Variants in AXL observed in about 807,000 individuals in gnomAD.
AXL encodes AXL receptor tyrosine kinase.
AXL carries 52 observed loss-of-function variants against 104.5 expected under a neutral mutation model. The observed-to-expected ratio is 0.50, with a 90% CI of 0.40 to 0.63. AXL has a LOEUF of 0.63. Ranked by LOEUF, AXL falls within the 20% of genes least tolerant of loss-of-function variation. The pLI is 0.00. For missense variants in AXL, 1,024 were observed against 1,188.5 expected (o/e 0.86, Z 2.04); for synonymous variants, 455 against 473.7 (o/e 0.96, Z 0.51).
chr19:41,253,509 C>A, intron 16 of AXL, 90 bp from the exon 17 acceptor site: 2 of 966,720 alleles, frequency 2.1e-6, no homozygotes, highest in Non-Finnish European at 3.2e-6. Flanking sequence ...CCACTGCGGG[C>A]AGAGCTAGGC....
chr19:41,236,379 G>A (rs976086753), intron 6 of AXL, among the ~76,000 whole-genome samples: 2 of 150,624 alleles, frequency 1.3e-5, no homozygotes, highest in Admixed American at 6.6e-5. Flanking sequence ...GCTCACGCCT[G>A]TAATCCCATC....
intron 3 of AXL, 184 bp from the exon 4 acceptor site, chr19:41,221,696 G>C: frequency 1.6e-6 from 1 of 607,360 alleles, no homozygotes; most frequent in Non-Finnish European, 2.8e-6. Flanking sequence ...TGACATGGGA[G>C]GAATCAGATA....
intron 4 of AXL, among the ~76,000 whole-genome samples, chr19:41,230,596 T>G (rs892396762): frequency 2.1e-5 from 3 of 140,520 alleles, no homozygotes; most frequent in Admixed American, 7.1e-5. Flanking sequence ...GTGTGTGTCT[T>G]TGTGTGTTTC....
At chr19:41,243,077 G>A in intron 11 of AXL, 62 bp downstream of exon 11, 2 of 1,609,002 alleles carry the variant, frequency 1.2e-6, no homozygotes, top group South Asian at 2.2e-5. Context: ...AGGCAGGGAG[G>A]CCAGTGAGGA....
At chr19:41,249,907 G>A (rs552228033) in intron 14 of AXL, among the ~76,000 whole-genome samples, 27 of 152,190 alleles carry the variant, frequency 1.8e-4, no homozygotes, top group African/African-American at 6.5e-4. Flanking sequence ...ACCTCCCATT[G>A]GCAAATCCCA....
chr19:41,258,489 C>T (rs974888691), intron 19 of AXL, among the ~76,000 whole-genome samples: 9 of 152,314 alleles, frequency 5.9e-5, no homozygotes, highest in South Asian at 4.1e-4. Flanking sequence ...GGCTCCATCT[C>T]GGCTCACTGC....
intron 4 of AXL, among the ~76,000 whole-genome samples, chr19:41,225,011 G>A (rs994269362): frequency 1.3e-5 from 2 of 152,074 alleles, no homozygotes; most frequent in African/African-American, 4.8e-5. Context: ...GTTTTTTGGG[G>A]TTTTTGTTTT....
chr19:41,259,408 A>G (rs2034500527), intron 19 of AXL, 145 bp from the exon 20 acceptor site: 3 of 676,190 alleles, frequency 4.4e-6, no homozygotes, highest in Middle Eastern at 2.8e-4. Flanking sequence ...CCAAATCCCC[A>G]TAGATGGCCT....
chr19:41,222,790 C>T (rs2033815274), intron 4 of AXL, among the ~76,000 whole-genome samples: 1 of 151,882 alleles, frequency 6.6e-6, no homozygotes, highest in Admixed American at 6.6e-5. Context: ...CCTGTAGTCC[C>T]AGCTACTCGG....
In AXL at chr19:41,242,911, G is replaced by C; in HGVS notation, c.1341G>C (p.Ser447=). ...LVKEPSTPAF[S]WPWWYVLLGA... is the part of the protein sequence containing the mutation. The stretch of plus-strand genomic sequence containing the variant: ...AGGAACCTTCAACTCCTGCCTTCTC[G>C]TGGCCCTGGTGGTATGTACTGCTAG... The change falls in exon 11 of 20, where the codon TCG becomes TCC. Residue 447 remains serine, a synonymous_variant. Coordinates refer to ENST00000301178, the MANE Select transcript of AXL (RefSeq NM_021913.5). The C allele has an allele frequency of 2.5e-6, 4 of 1,614,142 alleles. No homozygotes were observed. The highest frequency in any genetic ancestry group is 3.4e-6 in the Non-Finnish European group (4 of 1,180,016).
At chr19:41,235,261 G>C (rs997862193) in intron 6 of AXL, among the ~76,000 whole-genome samples, 2 of 152,084 alleles carry the variant, frequency 1.3e-5, no homozygotes, top group Non-Finnish European at 2.9e-5. Flanking sequence ...TGAGGCAAGA[G>C]AATCACTTGA....
At chr19:41,253,738 C>G (rs753445084) in intron 17 of AXL, 30 bp downstream of exon 17, 12 of 1,430,750 alleles carry the variant, frequency 8.4e-6, no homozygotes, top group Non-Finnish European at 1.1e-5. Flanking sequence ...CCCCCCCCCC[C>G]AACTGCTCCT....
At position 41,260,164 on chromosome 19, in the gene AXL, G is replaced by C; in HGVS notation, c.*260G>C. ...GCCCTCCCAGGTGTTAACATTCCAAGACTCTAGAGTCCAAGGTTTAAAGAG... is the reference window on the plus strand; with the variant it reads ...GCCCTCCCAGGTGTTAACATTCCAACACTCTAGAGTCCAAGGTTTAAAGAG... On this transcript the variant is annotated 3_prime_UTR_variant, in exon 20 of 20. Transcript: ENST00000301178. The C allele has an allele frequency of 2.2e-6, 1 of 449,074 alleles. No homozygotes were observed. The highest frequency in any genetic ancestry group is 5.0e-5 in the South Asian group (1 of 19,838). The allele number at this position is 449,074 out of a possible 1,614,324, so 27.8% of individuals were successfully genotyped here. A position where few individuals can be genotyped will look rare whatever the true frequency, so the allele number is the denominator to read the frequency against.
chr19:41,228,068 G>A (rs2033913968), intron 4 of AXL, among the ~76,000 whole-genome samples: 1 of 152,126 alleles, frequency 6.6e-6, no homozygotes, highest in Non-Finnish European at 1.5e-5. Flanking sequence ...ACCTCAAAAA[G>A]TGAAACCTCG....
intron 4 of AXL, among the ~76,000 whole-genome samples, chr19:41,222,487 T>C (rs1432323866): frequency 6.6e-6 from 1 of 152,044 alleles, no homozygotes; most frequent in Non-Finnish European, 1.5e-5. Flanking sequence ...CCTCCTCTCC[T>C]CCGCCTCCCT....
chr19:41,233,084 G>C (rs1287317032), intron 6 of AXL, among the ~76,000 whole-genome samples: 1 of 151,806 alleles, frequency 6.6e-6, no homozygotes, highest in Non-Finnish European at 1.5e-5. Flanking sequence ...CCGCCTCCTA[G>C]GTTCAAGCAA....
rs2122279797 is a variant in AXL at position 41,253,629 on chromosome 19, A to T, written c.1957A>T (p.Met653Leu). The T allele has an allele frequency of 6.2e-7, 1 of 1,613,750 alleles. No homozygotes were observed. Among genetic ancestry groups the T allele is most frequent in the Non-Finnish European group, 8.5e-7 (1 of 1,179,892 alleles). The change falls in exon 17 of 20, where the codon ATG (methionine) becomes TTG (leucine). Residue 653 changes from methionine to leucine, a missense_variant. Coordinates refer to ENST00000301178, the MANE Select transcript of AXL (RefSeq NM_021913.5). ...GCCCACTCAGATGCTAGTGAAGTTCATGGCAGACATCGCCAGTGGCATGGA... is the reference window on the plus strand; with the variant it reads ...GCCCACTCAGATGCTAGTGAAGTTCTTGGCAGACATCGCCAGTGGCATGGA... ...YLPTQMLVKF[M>L]ADIASGMEYL...
chr19:41,259,486 C>T (rs770804859), intron 19 of AXL, 67 bp from the exon 20 acceptor site: 3 of 1,406,152 alleles, frequency 2.1e-6, no homozygotes, highest in Non-Finnish European at 2.9e-6. Context: ...AAAATGTCCC[C>T]AGGCTTCCAG....
chr19:41,236,361 G>A (rs1189545723), intron 6 of AXL, among the ~76,000 whole-genome samples: 1 of 146,270 alleles, frequency 6.8e-6, no homozygotes, highest in Non-Finnish European at 1.5e-5. Context: ...AATTAGTCAA[G>A]CATGGTTGCT....
Sources: gnomAD v4.1 joint callset for allele counts (sites outside exome capture counted in the v4.1 genomes callset) on GRCh38, gnomAD v4.1.1 for gene constraint, MANE v1.5 for transcripts, NCBI Gene and HGNC (gene_info 2026-07-23, HGNC 2026-07-21) for gene names.